PJVK: variants seen among roughly 807,000 people sequenced by gnomAD.
PJVK encodes the protein pejvakin, also known as autosomal recessive deafness type 59 protein.
In PJVK, 33 loss-of-function variants were observed where a neutral mutation model predicts 37.6. That is an observed-to-expected ratio of 0.88 (90% CI 0.67 to 1.17). PJVK has a LOEUF of 1.17. Among genes scored for constraint, PJVK ranks in the 50% most tolerant of loss-of-function variants. PJVK has a pLI of 0.00. For missense variants in PJVK, 410 were observed against 413.8 expected (o/e 0.99, Z 0.08); for synonymous variants, 141 against 143.5 (o/e 0.98, Z 0.13).
chr2:178,455,302 A>C, intron 3 of PJVK: 1 of 1,353,524 alleles, frequency 7.4e-7, no homozygotes, highest in Non-Finnish European at 1.1e-6. Context: ...TGGAAAAGAC[A>C]ATCTATGACC....
chr2:178,454,587 C>T, intron 3 of PJVK, 60 bp downstream of exon 3: 1 of 1,534,476 alleles, frequency 6.5e-7, no homozygotes, highest in Non-Finnish European at 8.9e-7. Context: ...GGTATATAAA[C>T]TTCATTACAA....
intron 2 of PJVK, 45 bp from the exon 3 acceptor site, chr2:178,454,287 A>G: frequency 1.3e-6 from 2 of 1,516,262 alleles, no homozygotes; most frequent in Non-Finnish European, 1.8e-6. Context: ...TATAATCTAC[A>G]TAAGATAAAG....
rs975041649 is a variant in PJVK, at chr2:178,460,898, T to A, written c.767-84T>A. ...GCCAAATTATTTCATGACTAGTGGA[T>A]TCACATATTTATTAATGCTGTTTGC... On this transcript the variant is annotated intron_variant, in intron 6 of 6. Coordinates refer to ENST00000644580, the MANE Select transcript of PJVK (RefSeq NM_001042702.5). 3.2e-6 allele frequency: 4 copies of A among 1,261,402 alleles called. No homozygotes were observed. The African/African-American group carries it at 4.5e-5, about 14-fold the overall frequency. 78.1% of individuals were successfully genotyped at this position (1,261,402 alleles called of 1,614,324 possible).
In PJVK at chr2:178,451,846, G is replaced by A. The variant is rs186305936; in HGVS notation, c.-23+77G>A. 5,402 of 985,488 alleles carry A rather than the reference G, an allele frequency of 5.5e-3. 15 individuals are homozygous for A. Among genetic ancestry groups the A allele is most frequent in the Non-Finnish European group, 6.2e-3 (5,158 of 829,968 alleles). The allele number at this position is 985,488 out of a possible 1,614,324, so 61.0% of individuals were successfully genotyped here. A position where few individuals can be genotyped will look rare whatever the true frequency, so the allele number is the denominator to read the frequency against. ...GACCTGGGTAGTCGGTTGTAATGGC[G>A]TTTGCCTGGGATGCAGCACCTTTGG... On this transcript the variant is annotated intron_variant, in intron 1 of 6. Coordinates refer to ENST00000644580, the MANE Select transcript of PJVK (RefSeq NM_001042702.5).
chr2:178,461,291 A>G lies in PJVK; in HGVS notation c.*17A>G, dbSNP rs1461140968. ...ATGAAATAAAATGAAAAATGAATACACCGTGTTGGTGTTTTAGGTGCAGTT... is the reference window on the plus strand; with the variant it reads ...ATGAAATAAAATGAAAAATGAATACGCCGTGTTGGTGTTTTAGGTGCAGTT... On this transcript the variant is annotated 3_prime_UTR_variant, in exon 7 of 7. Coordinates refer to ENST00000644580, the MANE Select transcript of PJVK (RefSeq NM_001042702.5). The G allele has an allele frequency of 6.2e-7, 1 of 1,613,220 alleles. No individual in the cohort carries two copies. The highest frequency in any genetic ancestry group is 1.7e-5 in the Admixed American group (1 of 60,022).
At position 178,456,104 on chromosome 2, in the gene PJVK, C is replaced by G. The variant is rs780861213; in HGVS notation, c.502C>G (p.Gln168Glu). ...VVMESIRTTR[Q>E]CSLSVHAGIR... is the part of the protein sequence containing the mutation. ...CATGGAGAGCATCCGAACCACACGA[C>G]AGTGCTCACTGTCTGTGCATGCTGG... is the stretch of plus-strand genomic sequence containing the variant. Residue 168 changes from glutamine to glutamate, a missense_variant, in exon 4 of 7, where the codon CAG (glutamine) becomes GAG (glutamate). Coordinates refer to ENST00000644580, the MANE Select transcript of PJVK (RefSeq NM_001042702.5). 1 of 1,614,156 alleles carries G rather than the reference C, an allele frequency of 6.2e-7. No homozygotes were observed. Among genetic ancestry groups the G allele is most frequent in the Admixed American group, 1.7e-5 (1 of 60,020 alleles).
Position 178,461,298 on chromosome 2 carries a change from TGGTGTTTTA to T in PJVK, c.*29_*37del, listed in dbSNP as rs1468701405. 1 of 1,612,646 alleles carries T rather than the reference TGGTGTTTTA, an allele frequency of 6.2e-7. No homozygotes were observed. The highest frequency in any genetic ancestry group is 1.1e-5 in the South Asian group (1 of 90,972). On this transcript the variant is annotated 3_prime_UTR_variant, in exon 7 of 7. Transcript: ENST00000644580. Reference sequence around the variant, plus strand: ...AAAATGAAAAATGAATACACCGTGTTGGTGTTTTAGGTGCAGTTGTGCCACAAACCTTCC... The same window carrying T: ...AAAATGAAAAATGAATACACCGTGTTGGTGCAGTTGTGCCACAAACCTTCC...
chr2:178,453,279 G>C, intron 1 of PJVK, 109 bp from the exon 2 acceptor site: 1 of 959,572 alleles, frequency 1.0e-6, no homozygotes, highest in Non-Finnish European at 1.6e-6. Context: ...ACTACTTGGT[G>C]AAACCATGCT....
intron 4 of PJVK, 161 bp downstream of exon 4, chr2:178,456,312 G>GA (rs80082011): frequency 0.079 from 47,347 of 602,328 alleles, 175 homozygotes; most frequent in East Asian, 0.16. Flanking sequence ...TCTAGAATAT[G>GA]AAAAAAAAAA....
At position 178,453,283 on chromosome 2, in the gene PJVK, C is replaced by G. The variant is rs1350460496; in HGVS notation, c.-22-105C>G. The G allele has an allele frequency of 4.1e-6, 4 of 985,724 alleles. No individual in the cohort carries two copies. The African/African-American group carries it at 6.5e-5, about 16-fold the overall frequency. 61.1% of individuals were successfully genotyped at this position (985,724 alleles called of 1,614,324 possible). ...TACAGTGGTAAACTACTTGGTGAAA[C>G]CATGCTTTGTATTTTTAAGATGTAT... is the stretch of plus-strand genomic sequence containing the variant. On this transcript the variant is annotated intron_variant, in intron 1 of 6. Coordinates refer to ENST00000644580, the MANE Select transcript of PJVK (RefSeq NM_001042702.5).
chr2:178,452,324 T>C, intron 1 of PJVK: 3 of 984,662 alleles, frequency 3.0e-6, no homozygotes, highest in Non-Finnish European at 3.6e-6. Flanking sequence ...AGCGATTTGT[T>C]GTTTTGTTAG....
Position 178,461,478 on chromosome 2 carries a change from AAC to A in PJVK, c.*206_*207del, listed in dbSNP as rs149633019. On this transcript the variant is annotated 3_prime_UTR_variant, in exon 7 of 7. Transcript: ENST00000644580. ...TTCTTAAGTTGTCATGAAAATTAATAACATTGTTTATATCAAAAAAGATTTAC... is the reference window on the plus strand; with the variant it reads ...TTCTTAAGTTGTCATGAAAATTAATAATTGTTTATATCAAAAAAGATTTAC... The A allele has an allele frequency of 3.5e-3, 1,922 of 554,888 alleles. 25 individuals are homozygous for A. The highest frequency in any genetic ancestry group is 0.033 in the African/African-American group (1,760 of 52,904). The allele number at this position is 554,888 out of a possible 1,614,324, so 34.4% of individuals were successfully genotyped here.
chr2:178,454,989 C>A (rs1683939553), intron 3 of PJVK: 1 of 1,005,098 alleles, frequency 9.9e-7, no homozygotes, highest in Non-Finnish European at 1.6e-6. Flanking sequence ...CCTGGCGGTC[C>A]CTTTCTGTGT....
intron 6 of PJVK, among the ~76,000 whole-genome samples, 167 bp downstream of exon 6, chr2:178,460,613 C>A (rs529753229): frequency 1.3e-5 from 2 of 151,774 alleles, no homozygotes; most frequent in African/African-American, 4.8e-5. Context: ...GAGGCCAGGG[C>A]AGGCAGATTG....
intron 3 of PJVK, chr2:178,455,526 G>T: frequency 7.4e-6 from 6 of 808,216 alleles, no homozygotes; most frequent in South Asian, 5.5e-5. Flanking sequence ...AGGGCTTGGG[G>T]CAGGCATGGG....
rs377275979 is a variant in PJVK at position 178,461,056 on chromosome 2, C to T, written c.841C>T (p.Pro281Ser). 86 of 1,613,908 alleles carry T rather than the reference C, an allele frequency of 5.3e-5. No homozygotes were observed. Among genetic ancestry groups the T allele is most frequent in the Non-Finnish European group, 7.0e-5 (83 of 1,180,000 alleles). ...DDLFSDYYDK[P>S]LSMTDISLKE... ...TCTTTTTTCTGACTACTATGACAAA[C>T]CTCTCAGCATGACTGATATTTCACT... Residue 281 changes from proline to serine, a missense_variant, in exon 7 of 7, where the codon CCT (proline) becomes TCT (serine). Coordinates refer to ENST00000644580, the MANE Select transcript of PJVK (RefSeq NM_001042702.5).
chr2:178,454,575 TA>T (rs776646107), intron 3 of PJVK, 48 bp downstream of exon 3: 26 of 1,560,854 alleles, frequency 1.7e-5, no homozygotes, highest in Non-Finnish European at 1.1e-5. Context: ...TTAAATACTT[TA>T]GGTATATAAA....
rs1559366084 is a variant in PJVK, at chr2:178,453,568, AACACCTTTTAC to A, written c.162_172del (p.Pro55GlufsTer23). On this transcript the variant is annotated frameshift_variant, in exon 2 of 7. Coordinates refer to ENST00000644580, the MANE Select transcript of PJVK (RefSeq NM_001042702.5). LOFTEE classifies it high-confidence loss of function. ...TGTTTCCTAGATATAAATTTACTTC[AACACCTTTTAC>A]ACTGAAAGATATTCTCCTAGGAGAC... is the stretch of plus-strand genomic sequence containing the variant. 1 of 1,614,086 alleles carries A rather than the reference AACACCTTTTAC, an allele frequency of 6.2e-7. No homozygotes were observed. The highest frequency in any genetic ancestry group is 1.1e-5 in the South Asian group (1 of 91,078).
chr2:178,452,607 A>T (rs1243483355), intron 1 of PJVK: 3 of 985,324 alleles, frequency 3.0e-6, no homozygotes, highest in African/African-American at 1.7e-5. Flanking sequence ...ACTTAAAAAC[A>T]GGCCAGAACT....
Sources: gnomAD v4.1 joint callset for allele counts (sites outside exome capture counted in the v4.1 genomes callset) on GRCh38, gnomAD v4.1.1 for gene constraint, MANE v1.5 for transcripts, NCBI Gene and HGNC (gene_info 2026-07-23, HGNC 2026-07-21) for gene names.